IL4R: variants seen among roughly 807,000 people sequenced by gnomAD.
IL4R encodes the protein interleukin-4 receptor subunit alpha.
In IL4R, 17 loss-of-function variants were observed where a neutral mutation model predicts 41.5. The ratio of observed to expected loss-of-function variants is 0.41; its 90% confidence interval spans 0.28 to 0.61. The LOEUF (loss-of-function observed/expected upper bound fraction) is 0.61, where lower values mean the gene tolerates loss of function less well. IL4R is among the 20% of genes least tolerant of loss of function. The pLI, the probability that IL4R is intolerant of heterozygous loss-of-function variation, is 0.31. For missense variants in IL4R, 974 were observed against 1,043.1 expected, an observed-to-expected ratio of 0.93 and a Z score of 0.91; for synonymous variants, 402 against 422.9, an observed-to-expected ratio of 0.95 and a Z score of 0.61.
chr16:27,321,170 C>T (rs1314291351), intron 1 of IL4R, among the ~76,000 whole-genome samples: 1 of 152,044 alleles, frequency 6.6e-6, no homozygotes, highest in Non-Finnish European at 1.5e-5. Context: ...TCTCAAACTC[C>T]TGACCTAGGG....
chr16:27,314,765 C>A (rs1307238700), intron 1 of IL4R, among the ~76,000 whole-genome samples: 1 of 152,156 alleles, frequency 6.6e-6, no homozygotes, highest in Non-Finnish European at 1.5e-5. Flanking sequence ...ACCAGAATCT[C>A]CGGGAGATTT....
intron 1 of IL4R, among the ~76,000 whole-genome samples, chr16:27,319,842 T>C (rs926519219): frequency 1.3e-5 from 2 of 152,160 alleles, no homozygotes; most frequent in Non-Finnish European, 2.9e-5. Context: ...TTTTGTGAAC[T>C]GCACATGTGA....
chr16:27,364,770 G>T lies in IL4R; in HGVS notation c.*940G>T, dbSNP rs2086442302. The T allele has an allele frequency of 1.3e-5, 2 of 152,156 alleles. No homozygotes were observed. Among genetic ancestry groups the T allele is most frequent in the Non-Finnish European group, 1.5e-5 (1 of 68,038 alleles). The allele number at this position is 152,156 out of a possible 1,614,324, so 9.4% of individuals were successfully genotyped here. A position where few individuals can be genotyped will look rare whatever the true frequency, so the allele number is the denominator to read the frequency against. On this transcript the variant is annotated 3_prime_UTR_variant, in exon 11 of 11. Transcript: ENST00000395762. ...AGTTTTGTATAAATAAAGTTTCTTTGTCTCTTTATTTTTTATGTATTAACC... is the reference window on the plus strand; with the variant it reads ...AGTTTTGTATAAATAAAGTTTCTTTTTCTCTTTATTTTTTATGTATTAACC...
chr16:27,362,266 G>A lies in IL4R; in HGVS notation c.914G>A (p.Cys305Tyr), dbSNP rs2086322118. The A allele has an allele frequency of 1.9e-6, 3 of 1,613,870 alleles. No homozygotes were observed. Among genetic ancestry groups the A allele is most frequent in the Non-Finnish European group, 2.5e-6 (3 of 1,179,888 alleles). The change falls in exon 11 of 11, where the codon TGT becomes TAT. Residue 305 changes from cysteine (C) to tyrosine (Y), a missense_variant. Transcript: ENST00000395762. ...TGCTTTTGCAGACACTGGAAGAATT[G>A]TCTTACCAAGCTCTTGCCCTGTTTT... ...EPAKCPHWKN[C>Y]LTKLLPCFLE... is the part of the protein sequence containing the mutation.
intron 3 of IL4R, among the ~76,000 whole-genome samples, chr16:27,341,656 G>C (rs1197155157): frequency 6.6e-6 from 1 of 152,166 alleles, no homozygotes; most frequent in Non-Finnish European, 1.5e-5. Flanking sequence ...AAGGCCAAGG[G>C]TACCCGGTGA....
chr16:27,331,371 A>G (rs79645468), intron 2 of IL4R, among the ~76,000 whole-genome samples: 2,655 of 152,266 alleles, frequency 0.017, 88 homozygotes, highest in African/African-American at 0.06. Context: ...GCAACCTCAG[A>G]CAAATCACTC....
intron 1 of IL4R, among the ~76,000 whole-genome samples, chr16:27,316,523 G>A (rs1393938779): frequency 6.6e-6 from 1 of 152,218 alleles, no homozygotes; most frequent in African/African-American, 2.4e-5. Flanking sequence ...GTACCTGGGA[G>A]TGAGGCCAGG....
intron 4 of IL4R, among the ~76,000 whole-genome samples, chr16:27,344,658 T>C (rs1471963551): frequency 6.6e-6 from 1 of 152,110 alleles, no homozygotes; most frequent in Non-Finnish European, 1.5e-5. Context: ...CCTTGGTGCA[T>C]GTGGTAAGAG....
chr16:27,344,454 T>C (rs990366650), intron 4 of IL4R, among the ~76,000 whole-genome samples: 2 of 151,640 alleles, frequency 1.3e-5, no homozygotes, highest in Non-Finnish European at 2.9e-5. Context: ...TGCAGACCCC[T>C]GGCCTAGCCC....
chr16:27,343,211 G>A (rs1567320256), intron 4 of IL4R, among the ~76,000 whole-genome samples: 3 of 152,224 alleles, frequency 2.0e-5, no homozygotes, highest in Non-Finnish European at 2.9e-5. Context: ...AGCATGCAGC[G>A]TTCACCAGTA....
chr16:27,357,957 G>A (rs1217524223), intron 8 of IL4R, among the ~76,000 whole-genome samples: 4 of 149,764 alleles, frequency 2.7e-5, no homozygotes, highest in African/African-American at 9.9e-5. Flanking sequence ...GCAGTGGCGC[G>A]ATCTCAGCTC....
At chr16:27,346,254 AAC>A (rs1388015132) in intron 5 of IL4R, among the ~76,000 whole-genome samples, 1 of 152,208 alleles carries the variant, frequency 6.6e-6, no homozygotes, top group African/African-American at 2.4e-5. Context: ...GTAATTAATA[AAC>A]ACTAAAGTTC....
intron 10 of IL4R, among the ~76,000 whole-genome samples, chr16:27,361,554 A>G (rs2086284481): frequency 6.7e-6 from 1 of 149,740 alleles, no homozygotes; most frequent in Non-Finnish European, 1.5e-5. Context: ...GGACCTTTCC[A>G]TACTCCAGAA....
chr16:27,348,708 G>A (rs1052073179), intron 6 of IL4R, among the ~76,000 whole-genome samples: 3 of 152,238 alleles, frequency 2.0e-5, no homozygotes, highest in Middle Eastern at 3.2e-3. Flanking sequence ...ACTGGCTGTG[G>A]GTGGAGAGAG....
chr16:27,314,005 G>C lies in IL4R; in HGVS notation c.-167G>C, dbSNP rs1257422496. On this transcript the variant is annotated 5_prime_UTR_variant, in exon 1 of 11. Transcript: ENST00000395762. ...CGCTTGGGCGCCCGGACGGCGAATG[G>C]AGCAGGGGCGCGCAGGTAGGATCCG... 6 of 985,002 alleles carry C rather than the reference G, an allele frequency of 6.1e-6. No individual in the cohort carries two copies. Among genetic ancestry groups the C allele is most frequent in the East Asian group, 1.1e-4 (1 of 8,764 alleles). The allele number at this position is 985,002 out of a possible 1,614,324, so 61.0% of individuals were successfully genotyped here. A position where few individuals can be genotyped will look rare whatever the true frequency, so the allele number is the denominator to read the frequency against.
chr16:27,350,472 C>T (rs2239345), intron 6 of IL4R, among the ~76,000 whole-genome samples: 16,726 of 151,952 alleles, frequency 0.11, 1,084 homozygotes, highest in African/African-American at 0.17. Context: ...AAAAAACCTC[C>T]CCTTGGCTCA....
In IL4R at chr16:27,352,505, G is replaced by T. The variant is rs199850948; in HGVS notation, c.514-35G>T. 2.2e-5 allele frequency: 35 copies of T among 1,605,912 alleles called. No homozygotes were observed. The African/African-American group carries it at 3.9e-4, about 18-fold the overall frequency. On this transcript the variant is annotated intron_variant, in intron 6 of 10. Coordinates refer to ENST00000395762, the MANE Select transcript of IL4R (RefSeq NM_000418.4). The stretch of plus-strand genomic sequence containing the variant: ...GTGGGCACTGGTGCCCCTCGCCCCC[G>T]GCTGGTGCCCTAACATCTCCCTTTT...
chr16:27,359,384 C>T (rs2086203454), intron 9 of IL4R, among the ~76,000 whole-genome samples: 2 of 152,144 alleles, frequency 1.3e-5, no homozygotes, highest in African/African-American at 4.8e-5. Context: ...TAGGAAACTG[C>T]CCCCGAAGCA....
chr16:27,326,380 C>T (rs1426801718), intron 1 of IL4R, among the ~76,000 whole-genome samples: 1 of 152,138 alleles, frequency 6.6e-6, no homozygotes, highest in Non-Finnish European at 1.5e-5. Flanking sequence ...GCAGCTCATG[C>T]CTGTAGCATG....
Sources: gnomAD v4.1 joint callset for allele counts (sites outside exome capture counted in the v4.1 genomes callset) on GRCh38, gnomAD v4.1.1 for gene constraint, MANE v1.5 for transcripts, NCBI Gene and HGNC (gene_info 2026-07-23, HGNC 2026-07-21) for gene names.